The following UVRAG variants were observed in gnomAD, a reference collection of about 807,000 sequenced individuals.
UVRAG encodes the protein UV radiation resistance associated.
Under a neutral mutation model 78.0 loss-of-function variants are expected in UVRAG, and 19 were observed. That is an observed-to-expected ratio of 0.24 (90% confidence interval 0.17 to 0.36). The LOEUF is 0.36. Among genes scored for constraint, UVRAG ranks in the 10% least tolerant of loss-of-function variants. UVRAG has a pLI of 1.00. For synonymous variants in UVRAG, 323 were observed against 324.6 expected (o/e 1.00, Z 0.05); for missense variants, 740 against 853.8 (o/e 0.87, Z 1.66).
intron 4 of UVRAG, among the ~76,000 whole-genome samples, chr11:75,886,703 C>A (rs1467298202): frequency 6.6e-6 from 1 of 152,158 alleles, no homozygotes; most frequent in Non-Finnish European, 1.5e-5. Flanking sequence ...GTAGGAGATA[C>A]AGAAGTCAGG....
chr11:75,899,360 T>TA (rs1329267076), intron 5 of UVRAG, among the ~76,000 whole-genome samples: 4 of 152,114 alleles, frequency 2.6e-5, no homozygotes, highest in Non-Finnish European at 5.9e-5. Flanking sequence ...TACAGAGCTT[T>TA]AAAAAAACTA....
intron 14 of UVRAG, among the ~76,000 whole-genome samples, chr11:76,134,638 G>A (rs7118476): frequency 0.042 from 6,376 of 152,240 alleles, 245 homozygotes; most frequent in East Asian, 0.22. Flanking sequence ...CTGAGTCTCA[G>A]TTGCGCCTTC....
chr11:76,091,141 T>C (rs1951688948), intron 13 of UVRAG, among the ~76,000 whole-genome samples: 1 of 152,212 alleles, frequency 6.6e-6, no homozygotes, highest in African/African-American at 2.4e-5. Flanking sequence ...TGAAATGGAA[T>C]GTTAGGCTGG....
intron 13 of UVRAG, among the ~76,000 whole-genome samples, chr11:76,102,579 G>C (rs1951896352): frequency 6.6e-6 from 1 of 152,094 alleles, no homozygotes. Flanking sequence ...TTGCCCAGTT[G>C]CTCTGGCCAG....
At chr11:75,881,376 G>C (rs557368220) in intron 4 of UVRAG, among the ~76,000 whole-genome samples, 1 of 152,270 alleles carries the variant, frequency 6.6e-6, no homozygotes, top group Admixed American at 6.5e-5. Context: ...ACAAAAGCAG[G>C]AAGACTCGAA....
intron 10 of UVRAG, among the ~76,000 whole-genome samples, chr11:76,008,285 A>G (rs968616167): frequency 6.6e-6 from 1 of 152,190 alleles, no homozygotes; most frequent in Non-Finnish European, 1.5e-5. Flanking sequence ...ATTTTCATGT[A>G]TTAGTGTTAC....
At chr11:75,939,428 A>T (rs1175134137) in intron 6 of UVRAG, among the ~76,000 whole-genome samples, 1 of 152,190 alleles carries the variant, frequency 6.6e-6, no homozygotes, top group East Asian at 1.9e-4. Context: ...GAGTTACATA[A>T]TATCCTCTAA....
chr11:76,056,377 G>A (rs1355301982), intron 12 of UVRAG, among the ~76,000 whole-genome samples: 1 of 152,220 alleles, frequency 6.6e-6, no homozygotes, highest in African/African-American at 2.4e-5. Flanking sequence ...GAACAGAATT[G>A]CTACATCATA....
chr11:76,126,522 C>CT (rs1466729994), intron 14 of UVRAG, among the ~76,000 whole-genome samples: 11 of 152,146 alleles, frequency 7.2e-5, no homozygotes, highest in Admixed American at 3.9e-4. Flanking sequence ...GTCCTTACAG[C>CT]TTTTTTGTAT....
intron 5 of UVRAG, among the ~76,000 whole-genome samples, chr11:75,907,536 C>T (rs1006136976): frequency 1.3e-5 from 2 of 151,852 alleles, no homozygotes; most frequent in Admixed American, 6.6e-5. Flanking sequence ...CTCTTTTTGA[C>T]AGAGTCTTGC....
chr11:76,140,662 A>G, intron 14 of UVRAG, 49 bp from the exon 15 acceptor site: 2 of 1,510,834 alleles, frequency 1.3e-6, no homozygotes, highest in Non-Finnish European at 1.8e-6. Flanking sequence ...GAAGGCTTAC[A>G]CTGAGTTCTG....
At chr11:75,878,039 C>T (rs76441553) in intron 3 of UVRAG, among the ~76,000 whole-genome samples, 3 of 147,564 alleles carry the variant, frequency 2.0e-5, no homozygotes, top group Non-Finnish European at 3.0e-5. Context: ...GGCTGCCGGG[C>T]GGAGGGGCTC....
At chr11:76,078,546 C>G (rs2134405097) in intron 13 of UVRAG, among the ~76,000 whole-genome samples, 1 of 151,488 alleles carries the variant, frequency 6.6e-6, no homozygotes, top group Admixed American at 6.6e-5. Context: ...ATTTTGTCAT[C>G]CACAGATTTC....
intron 8 of UVRAG, among the ~76,000 whole-genome samples, chr11:76,002,978 G>A (rs937455076): frequency 6.6e-6 from 1 of 152,082 alleles, no homozygotes; most frequent in African/African-American, 2.4e-5. Flanking sequence ...TTAGGAGGCT[G>A]AGGCAGGAGG....
intron 13 of UVRAG, among the ~76,000 whole-genome samples, chr11:76,109,733 C>G (rs1232701938): frequency 1.3e-5 from 2 of 152,190 alleles, no homozygotes; most frequent in Non-Finnish European, 2.9e-5. Flanking sequence ...TTTCCCTATC[C>G]TTGTCCTTTC....
chr11:75,869,413 A>C (rs1390408593), intron 3 of UVRAG, among the ~76,000 whole-genome samples: 2 of 152,250 alleles, frequency 1.3e-5, no homozygotes, highest in Admixed American at 1.3e-4. Context: ...AGTGATTCTC[A>C]AACCAACTTT....
chr11:75,844,976 A>G (rs1434122008), intron 1 of UVRAG, among the ~76,000 whole-genome samples: 1 of 152,140 alleles, frequency 6.6e-6, no homozygotes, highest in Non-Finnish European at 1.5e-5. Flanking sequence ...AGATGTTTCA[A>G]ATTTACTATG....
At chr11:76,009,652 CTGT>C (rs912463361) in intron 11 of UVRAG, among the ~76,000 whole-genome samples, 3 of 152,138 alleles carry the variant, frequency 2.0e-5, no homozygotes, top group East Asian at 1.9e-4. Context: ...TATAAAGAAG[CTGT>C]TGTTATTGGT....
intron 13 of UVRAG, among the ~76,000 whole-genome samples, chr11:76,072,981 A>G (rs1737917942): frequency 6.6e-6 from 1 of 152,188 alleles, no homozygotes; most frequent in Non-Finnish European, 1.5e-5. Context: ...CATTTACATG[A>G]TGGTGGCTAA....
Sources: gnomAD v4.1 joint callset for allele counts (sites outside exome capture counted in the v4.1 genomes callset) on GRCh38, gnomAD v4.1.1 for gene constraint, MANE v1.5 for transcripts, NCBI Gene and HGNC (gene_info 2026-07-23, HGNC 2026-07-21) for gene names.